The following SETX variants were observed in gnomAD, a reference collection of about 807,000 sequenced individuals.
SETX encodes the protein senataxin.
In SETX, 90 loss-of-function variants were observed where a neutral mutation model predicts 227.2. That is an observed-to-expected ratio of 0.40 (90% CI 0.33 to 0.47). The LOEUF (loss-of-function observed/expected upper bound fraction) is 0.47, where lower values mean the gene tolerates loss of function less well. Ranked by LOEUF, SETX falls within the 20% of genes least tolerant of loss-of-function variation. The pLI is 0.91. For missense variants in SETX, 3,052 were observed against 3,181.5 expected, an observed-to-expected ratio of 0.96 and a Z score of 0.98; for synonymous variants, 1,210 against 1,113.2, an observed-to-expected ratio of 1.09 and a Z score of -1.73.
upstream of SETX, among the ~76,000 whole-genome samples, chr9:132,355,588 C>A (rs1203864326): frequency 6.6e-6 from 1 of 152,194 alleles, no homozygotes; most frequent in Non-Finnish European, 1.5e-5. Context: ...GCTTCTAATC[C>A]CACCACTTTG....
Position 132,327,378 on chromosome 9 carries a change from T to C in SETX, c.4220A>G (p.Asn1407Ser), listed in dbSNP as rs747050949. 1.9e-5 allele frequency: 31 copies of C among 1,614,130 alleles called. No homozygotes were observed. Among genetic ancestry groups the C allele is most frequent in the African/African-American group, 2.7e-5 (2 of 74,956 alleles). ...TTTTATTAACTGTTTTCTGTTACTGTTGGCAAGTACCTCAGTTCCTCCTGT... is the reference window on the plus strand; with the variant it reads ...TTTTATTAACTGTTTTCTGTTACTGCTGGCAAGTACCTCAGTTCCTCCTGT... ...NCTGGTEVLANSNRKQLIKCM... is the reference protein window; with the variant it reads ...NCTGGTEVLASSNRKQLIKCM... The change falls in exon 10 of 26, where the codon AAC (asparagine) becomes AGC (serine). Residue 1407 changes from asparagine (N) to serine (S), a missense_variant. This residue lies in a region of SETX where 1,483 missense variants were observed against 1,312.0 expected (regional missense o/e 1.13). Coordinates refer to ENST00000224140, the MANE Select transcript of SETX (RefSeq NM_015046.7).
chr9:132,264,587 G>C lies in SETX; in HGVS notation c.7686C>G (p.Ser2562Arg). ...GIFLWDPQPS[S>R]PQHPGATPPT... ...GAGGTGTTGCTCCAGGATGCTGGGG[G>C]CTCGAGGGTTGTGGATCCCAAAGGA... The change falls in exon 26 of 26, where the codon AGC becomes AGG. Residue 2562 changes from serine to arginine, a missense_variant. By Grantham distance (110) the Ser-to-Arg change is moderately radical (BLOSUM62 -1). Coordinates refer to ENST00000224140, the MANE Select transcript of SETX (RefSeq NM_015046.7). 6 of 1,614,190 alleles carry C rather than the reference G, an allele frequency of 3.7e-6. No homozygotes were observed. Among genetic ancestry groups the C allele is most frequent in the Non-Finnish European group, 5.1e-6 (6 of 1,180,046 alleles).
At chr9:132,295,162 A>G (rs928751038) in intron 15 of SETX, among the ~76,000 whole-genome samples, 1 of 152,186 alleles carries the variant, frequency 6.6e-6, no homozygotes, top group African/African-American at 2.4e-5. Context: ...GCCCTGAATC[A>G]TCCGTTGTAA....
intron 6 of SETX, 125 bp downstream of exon 6, chr9:132,336,171 A>T: frequency 1.3e-6 from 1 of 775,488 alleles, no homozygotes; most frequent in Non-Finnish European, 2.2e-6. Flanking sequence ...TGAACCTGGG[A>T]GGTGGAGCTT....
At chr9:132,348,379 A>AAAC (rs1554825835) in intron 3 of SETX, among the ~76,000 whole-genome samples, 1 of 135,590 alleles carries the variant, frequency 7.4e-6, no homozygotes, top group African/African-American at 2.7e-5. Flanking sequence ...AAAACAAAAC[A>AAAC]AAAAAAAAAC....
chr9:132,284,928 G>A (rs925218718), intron 18 of SETX, among the ~76,000 whole-genome samples: 1 of 151,558 alleles, frequency 6.6e-6, no homozygotes, highest in African/African-American at 2.4e-5. Context: ...ACCCAGGCTG[G>A]AGTGCAGTGG....
In SETX at chr9:132,268,557, C is replaced by T. The variant is rs117515022; in HGVS notation, c.7287+1058G>A. ...TAGATCAGTGAGATTAACTTAAAGG[C>T]TTTTAATTCTAAAAAGAGATTACCC... On this transcript the variant is annotated intron_variant, in intron 25 of 25. Coordinates refer to ENST00000224140, the MANE Select transcript of SETX (RefSeq NM_015046.7). Among the ~76,000 whole-genome samples, 749 of 129,178 alleles carry T rather than the reference C, an allele frequency of 5.8e-3. 3 individuals carry two copies. The Middle Eastern group carries it at 0.065, about 11-fold the overall frequency. The allele number at this position is 129,178 out of a possible 152,430, so 84.7% of individuals were successfully genotyped here.
chr9:132,311,057 C>T (rs535344263), intron 11 of SETX, among the ~76,000 whole-genome samples: 100 of 152,278 alleles, frequency 6.6e-4, no homozygotes, highest in Middle Eastern at 3.4e-3. Context: ...AACTCCACCT[C>T]CCTGGTTCAA....
Position 132,353,467 on chromosome 9 carries a change from C to T in SETX, c.-8+182G>A, listed in dbSNP as rs116989102. Among the ~76,000 whole-genome samples the T allele has an allele frequency of 3.0e-3, 451 of 152,104 alleles. 15 individuals are homozygous for T. In the East Asian group the frequency reaches 0.077, roughly 26 times the overall value. On this transcript the variant is annotated intron_variant, in intron 2 of 25. Coordinates refer to ENST00000224140, the MANE Select transcript of SETX (RefSeq NM_015046.7). ...TCGAAGAGAAAGCTGGATTTGAGAACAACCAGTGTGCAAGCTCTTCCTGAG... is the reference window on the plus strand; with the variant it reads ...TCGAAGAGAAAGCTGGATTTGAGAATAACCAGTGTGCAAGCTCTTCCTGAG...
At chr9:132,332,043 G>A (rs1167523478) in intron 7 of SETX, among the ~76,000 whole-genome samples, 2 of 152,138 alleles carry the variant, frequency 1.3e-5, no homozygotes, top group Non-Finnish European at 2.9e-5. Context: ...TGGCTTTGCT[G>A]TTCTCTACTT....
chr9:132,319,631 T>C (rs1218623819), intron 10 of SETX, among the ~76,000 whole-genome samples: 1 of 152,242 alleles, frequency 6.6e-6, no homozygotes, highest in African/African-American at 2.4e-5. Flanking sequence ...TACTTTCTTC[T>C]TCTGGATGTC....
chr9:132,261,374 A>G lies in SETX; in HGVS notation c.*2865T>C, dbSNP rs904946281. On this transcript the variant is annotated 3_prime_UTR_variant, in exon 26 of 26. Coordinates refer to ENST00000224140, the MANE Select transcript of SETX (RefSeq NM_015046.7). ...GCCGGGCTGGATAATGAAACTTTTT[A>G]TATCTGAATTGCACAAATCCCCACC... is the stretch of plus-strand genomic sequence containing the variant. 2 of 152,250 alleles carry G rather than the reference A, an allele frequency of 1.3e-5. No individual in the cohort carries two copies. The highest frequency in any genetic ancestry group is 1.9e-4 in the East Asian group (1 of 5,204). The allele number at this position is 152,250 out of a possible 1,614,324, so 9.4% of individuals were successfully genotyped here. A position where few individuals can be genotyped will look rare whatever the true frequency, so the allele number is the denominator to read the frequency against.
intron 11 of SETX, among the ~76,000 whole-genome samples, chr9:132,304,994 C>CA (rs1053925899): frequency 4.4e-4 from 64 of 145,148 alleles, no homozygotes; most frequent in Admixed American, 3.0e-3. Flanking sequence ...GACTCCATCT[C>CA]AAAAAAAAAG....
Position 132,336,341 on chromosome 9 carries a change from G to A in SETX, c.673C>T (p.Pro225Ser). 1.2e-6 allele frequency: 2 copies of A among 1,613,926 alleles called. No homozygotes were observed. The highest frequency in any genetic ancestry group is 1.6e-4 in the Middle Eastern group (1 of 6,062). ...VLEKGKLILL[P>S]SHMYDTTNYK... ...TTGGTAGTATCATACATGTGTGAGG[G>A]CAGAAGAATCAGTTTACCCTTCTCT... The change falls in exon 6 of 26, where the codon CCC becomes TCC. Residue 225 changes from proline to serine, a missense_variant. Coordinates refer to ENST00000224140, the MANE Select transcript of SETX (RefSeq NM_015046.7).
At chr9:132,302,619 C>T (rs1845069200) in intron 11 of SETX, among the ~76,000 whole-genome samples, 2 of 132,212 alleles carry the variant, frequency 1.5e-5, no homozygotes, top group Non-Finnish European at 3.1e-5. Context: ...AAGATTGCGC[C>T]ATTGCACTCC....
intron 5 of SETX, among the ~76,000 whole-genome samples, chr9:132,341,769 G>C (rs1847984088): frequency 6.6e-6 from 1 of 152,098 alleles, no homozygotes; most frequent in Non-Finnish European, 1.5e-5. Flanking sequence ...TTGGTTCTTT[G>C]CCTTGCCTGG....
chr9:132,313,917 T>C (rs1845813686), intron 10 of SETX, among the ~76,000 whole-genome samples: 1 of 125,466 alleles, frequency 8.0e-6, no homozygotes, highest in Non-Finnish European at 1.6e-5. Context: ...AATGTGGCCT[T>C]CCAAGTTTTT....
intron 23 of SETX, chr9:132,274,934 A>G (rs1431716824): frequency 6.2e-6 from 2 of 323,552 alleles, no homozygotes; most frequent in African/African-American, 4.2e-5. Flanking sequence ...TCATTTATTT[A>G]AAGTGAAATG....
At chr9:132,300,582 A>T in intron 12 of SETX, 48 bp downstream of exon 12, 3 of 1,574,484 alleles carry the variant, frequency 1.9e-6, no homozygotes, top group Non-Finnish European at 2.6e-6. Context: ...AGATTATTAG[A>T]TGAGACTGTA....
Sources: allele counts gnomAD v4.1 joint callset (sites outside exome capture counted in the v4.1 genomes callset), GRCh38; gene constraint gnomAD v4.1.1; regional missense constraint gnomAD v4.1.1; transcripts MANE v1.5; gene names NCBI Gene and HGNC (gene_info 2026-07-23, HGNC 2026-07-21).